Variants in TBCA observed in about 807,000 individuals in gnomAD.
The protein encoded by TBCA is tubulin-specific chaperone A.
A neutral mutation model predicts 15.8 loss-of-function variants in TBCA; 6 were observed. The observed-to-expected ratio is 0.38, with a 90% CI of 0.21 to 0.75. The LOEUF (loss-of-function observed/expected upper bound fraction) is 0.75, where lower values mean the gene tolerates loss of function less well. TBCA is among the 30% of genes least tolerant of loss of function. The pLI, the probability that TBCA is intolerant of heterozygous loss-of-function variation, is 0.46. For synonymous variants in TBCA, 32 were observed against 42.3 expected (o/e 0.76, Z 0.94); for missense variants, 90 against 131.2 (o/e 0.69, Z 1.53).
At position 77,751,775 on chromosome 5, in the gene TBCA, T is replaced by C. The variant is rs557775513; in HGVS notation, c.53+24430A>G. Among the ~76,000 whole-genome samples the C allele has an allele frequency of 6.6e-5, 10 of 152,328 alleles. No homozygotes were observed. The South Asian group carries it at 2.1e-3, about 32-fold the overall frequency. ...AGCTGTGTGGGAGACCAGAGTTTTA[T>C]TATTACTCAAATCAGTCTCCCTGAG... On this transcript the variant is annotated intron_variant, in intron 1 of 3. Transcript: ENST00000380377.
chr5:77,770,112 T>C (rs1330184810), intron 1 of TBCA, among the ~76,000 whole-genome samples: 2 of 152,224 alleles, frequency 1.3e-5, no homozygotes, highest in African/African-American at 4.8e-5. Context: ...CAGAAGAATT[T>C]CTTGAATTTA....
At chr5:77,728,868 C>T (rs1028457043) in intron 1 of TBCA, among the ~76,000 whole-genome samples, 12 of 152,038 alleles carry the variant, frequency 7.9e-5, no homozygotes, top group African/African-American at 2.7e-4. Context: ...CTTCCTTGGT[C>T]AGTTAATTGT....
chr5:77,713,379 C>T (rs115830823), intron 1 of TBCA, among the ~76,000 whole-genome samples: 2,495 of 152,054 alleles, frequency 0.016, 34 homozygotes, highest in Non-Finnish European at 0.026. Context: ...GAAAATACAG[C>T]TGTTAGTGAT....
intron 1 of TBCA, among the ~76,000 whole-genome samples, chr5:77,744,783 G>A (rs1394040596): frequency 6.6e-6 from 1 of 151,936 alleles, no homozygotes; most frequent in Non-Finnish European, 1.5e-5. Flanking sequence ...TGATCCACCC[G>A]CTTCGGCCTC....
chr5:77,738,362 T>C (rs192953546), intron 1 of TBCA, among the ~76,000 whole-genome samples: 70 of 152,294 alleles, frequency 4.6e-4, no homozygotes, highest in African/African-American at 1.6e-3. Flanking sequence ...GCTATATATA[T>C]GGCCCTAAGT....
intron 3 of TBCA, chr5:77,692,038 T>C: frequency 1.7e-5 from 17 of 985,326 alleles, no homozygotes; most frequent in Non-Finnish European, 2.0e-5. Context: ...CATCTTTCAT[T>C]TTCTGATATT....
At chr5:77,767,856 T>C (rs960763135) in intron 1 of TBCA, among the ~76,000 whole-genome samples, 1 of 152,230 alleles carries the variant, frequency 6.6e-6, no homozygotes, top group African/African-American at 2.4e-5. Flanking sequence ...GGTTTGAATG[T>C]TCGTATCCCT....
intron 1 of TBCA, among the ~76,000 whole-genome samples, chr5:77,716,739 A>C (rs1312940406): frequency 6.6e-6 from 1 of 151,666 alleles, no homozygotes; most frequent in African/African-American, 2.4e-5. Context: ...TTGAACATAA[A>C]AGTCTAAATG....
At chr5:77,736,642 C>CTT (rs897741206) in intron 1 of TBCA, among the ~76,000 whole-genome samples, 1 of 152,090 alleles carries the variant, frequency 6.6e-6, no homozygotes, top group Non-Finnish European at 1.5e-5. Flanking sequence ...TACCTTATTT[C>CTT]TTTTTCTAAG....
intron 1 of TBCA, among the ~76,000 whole-genome samples, chr5:77,769,940 A>G (rs527260817): frequency 1.1e-4 from 17 of 152,366 alleles, no homozygotes; most frequent in Non-Finnish European, 1.9e-4. Context: ...TTGGATTTTA[A>G]GCCATTACCA....
At chr5:77,776,086 G>A in intron 1 of TBCA, 119 bp downstream of exon 1, 1 of 1,278,058 alleles carries the variant, frequency 7.8e-7, no homozygotes, top group Non-Finnish European at 1.1e-6. Flanking sequence ...CGGAGCCCCG[G>A]GTGCGGCCTG....
chr5:77,728,168 C>A (rs1475018703), intron 1 of TBCA, among the ~76,000 whole-genome samples: 2 of 151,978 alleles, frequency 1.3e-5, no homozygotes, highest in East Asian at 3.9e-4. Context: ...TAATACATTT[C>A]AAAACTGCAA....
Position 77,776,264 on chromosome 5 carries a change from T to C in TBCA, c.-7A>G. ...TCACGCGAGGATCGGCCATGGTCCC[T>C]CGAGCGCCGCGAGAAGGAGGGGCGG... On this transcript the variant is annotated 5_prime_UTR_variant, in exon 1 of 4. Coordinates refer to ENST00000380377, the MANE Select transcript of TBCA (RefSeq NM_004607.3). 6 of 1,577,288 alleles carry C rather than the reference T, an allele frequency of 3.8e-6. No individual in the cohort carries two copies. The highest frequency in any genetic ancestry group is 5.2e-6 in the Non-Finnish European group (6 of 1,162,464).
chr5:77,761,873 G>A (rs1239057250), intron 1 of TBCA, among the ~76,000 whole-genome samples: 3 of 152,166 alleles, frequency 2.0e-5, no homozygotes, highest in Admixed American at 1.3e-4. Context: ...AAAGAAGACT[G>A]CAGCCACAAT....
intron 2 of TBCA, among the ~76,000 whole-genome samples, chr5:77,706,530 G>T (rs769642217): frequency 2.1e-4 from 32 of 152,040 alleles, no homozygotes; most frequent in Non-Finnish European, 4.3e-4. Flanking sequence ...AATAGGAGGT[G>T]CTGGCTGGGT....
Position 77,708,360 on chromosome 5 carries a change from C to G in TBCA, c.54-13G>C, listed in dbSNP as rs1320601786. 1 of 1,551,316 alleles carries G rather than the reference C, an allele frequency of 6.4e-7. No homozygotes were observed. Among genetic ancestry groups the G allele is most frequent in the Non-Finnish European group, 8.9e-7 (1 of 1,129,694 alleles). On this transcript the variant is annotated splice_polypyrimidine_tract_variant and intron_variant, in intron 1 of 3. Transcript: ENST00000380377. ...TTCTTTGACCAACCTATAAAAAAGCCAAAAATGTTTTAGAAAATTAGCTTT... is the reference window on the plus strand; with the variant it reads ...TTCTTTGACCAACCTATAAAAAAGCGAAAAATGTTTTAGAAAATTAGCTTT...
intron 1 of TBCA, among the ~76,000 whole-genome samples, chr5:77,743,200 A>G (rs1281337883): frequency 1.3e-5 from 2 of 152,216 alleles, no homozygotes; most frequent in Non-Finnish European, 1.5e-5. Context: ...ATAAATTACT[A>G]CCTTACTAAT....
At chr5:77,738,073 C>T (rs1235681389) in intron 1 of TBCA, among the ~76,000 whole-genome samples, 13 of 152,318 alleles carry the variant, frequency 8.5e-5, no homozygotes, top group Admixed American at 7.2e-4. Context: ...TGAGCAGAGG[C>T]ATGAAGGCTT....
intron 1 of TBCA, among the ~76,000 whole-genome samples, chr5:77,746,562 C>T (rs1747191955): frequency 6.6e-6 from 1 of 152,104 alleles, no homozygotes; most frequent in South Asian, 2.1e-4. Context: ...ATGTCTAAAC[C>T]TCCTTTTTCG....
Sources: allele counts gnomAD v4.1 joint callset (sites outside exome capture counted in the v4.1 genomes callset), GRCh38; gene constraint gnomAD v4.1.1; transcripts MANE v1.5; gene names NCBI Gene and HGNC (gene_info 2026-07-23, HGNC 2026-07-21).